The following ADAMTSL1 variants were observed in gnomAD, a reference collection of about 807,000 sequenced individuals.
ADAMTSL1 encodes the protein ADAMTS-like protein 1.
In ADAMTSL1, 126 loss-of-function variants were observed where a neutral mutation model predicts 201.8. The ratio of observed to expected loss-of-function variants is 0.62; its 90% CI spans 0.54 to 0.72. The LOEUF (loss-of-function observed/expected upper bound fraction) is 0.72, where lower values mean the gene tolerates loss of function less well. Among genes scored for constraint, ADAMTSL1 ranks in the 30% least tolerant of loss-of-function variants. The probability of loss-of-function intolerance (pLI) is 0.00; values close to 1 mark genes in which losing one functional copy is unlikely to be tolerated. For synonymous variants in ADAMTSL1, 1,121 were observed against 903.4 expected (o/e 1.24, Z -4.32); for missense variants, 2,679 against 2,277.8 (o/e 1.18, Z -3.59).
At chr9:18,535,031 C>G (rs542804772) in intron 3 of ADAMTSL1, among the ~76,000 whole-genome samples, 1 of 152,198 alleles carries the variant, frequency 6.6e-6, no homozygotes, top group African/African-American at 2.4e-5. Flanking sequence ...ACATTCATCT[C>G]CTCATTACTT....
At chr9:18,692,506 C>T (rs540730345) in intron 13 of ADAMTSL1, among the ~76,000 whole-genome samples, 1 of 152,254 alleles carries the variant, frequency 6.6e-6, no homozygotes, top group African/African-American at 2.4e-5. Flanking sequence ...GTGACAAAGA[C>T]AAATTAATGG....
At chr9:17,912,730 T>C (rs10810868) in intron 1 of ADAMTSL1, among the ~76,000 whole-genome samples, 53,695 of 63,246 alleles carry the variant, frequency 0.85, 25,237 homozygotes, top group East Asian at 0.99. Flanking sequence ...GTTGCCATTG[T>C]TTTTGGTGTT....
intron 16 of ADAMTSL1, among the ~76,000 whole-genome samples, chr9:18,763,711 A>G (rs966495713): frequency 6.6e-6 from 1 of 152,170 alleles, no homozygotes; most frequent in Non-Finnish European, 1.5e-5. Context: ...AGAGATATCC[A>G]GTTTTCCAAG....
chr9:18,263,991 C>T (rs180839242), intron 2 of ADAMTSL1, among the ~76,000 whole-genome samples: 114 of 152,244 alleles, frequency 7.5e-4, no homozygotes, highest in Non-Finnish European at 4.1e-4. Flanking sequence ...TAAGACAGTT[C>T]CTGGACATTT....
chr9:18,057,233 G>A (rs930647560), intron 1 of ADAMTSL1, among the ~76,000 whole-genome samples: 2 of 152,108 alleles, frequency 1.3e-5, no homozygotes, highest in African/African-American at 2.4e-5. Flanking sequence ...CGGTTTTCCT[G>A]TGTGTGGAAC....
intron 1 of ADAMTSL1, among the ~76,000 whole-genome samples, chr9:18,092,471 A>G (rs113520780): frequency 6.6e-6 from 1 of 152,306 alleles, no homozygotes; most frequent in African/African-American, 2.4e-5. Flanking sequence ...GTCAAACATG[A>G]ATTATTTTGG....
chr9:18,897,456 G>A (rs1158423182), intron 26 of ADAMTSL1, among the ~76,000 whole-genome samples: 1 of 152,076 alleles, frequency 6.6e-6, no homozygotes, highest in Non-Finnish European at 1.5e-5. Flanking sequence ...CCTCCTACAG[G>A]AGCATCTGGG....
At chr9:18,042,647 C>T (rs553950493) in intron 1 of ADAMTSL1, among the ~76,000 whole-genome samples, 1 of 152,242 alleles carries the variant, frequency 6.6e-6, no homozygotes, top group South Asian at 2.1e-4. Context: ...CCAAATGATT[C>T]ACTGTTACAG....
At chr9:18,842,334 G>C (rs1351179027) in intron 23 of ADAMTSL1, among the ~76,000 whole-genome samples, 2 of 152,132 alleles carry the variant, frequency 1.3e-5, no homozygotes. Context: ...CAGTTTCCAT[G>C]TAGTTGAGCA....
rs868524919 is a variant in ADAMTSL1, at chr9:17,940,812, C to T, written c.87+33890C>T. On this transcript the variant is annotated intron_variant, in intron 1 of 29. Coordinates refer to the ADAMTSL1 transcript ENST00000680146. ...ATAAAAGTAAATAACACCCCCCCCCCAAAAAAAAGAAAGAAATAACGACTC... is the reference window on the plus strand; with the variant it reads ...ATAAAAGTAAATAACACCCCCCCCCTAAAAAAAAGAAAGAAATAACGACTC... Among the ~76,000 whole-genome samples, 8 of 20,290 alleles carry T rather than the reference C, an allele frequency of 3.9e-4. 2 individuals carry two copies. The highest frequency in any genetic ancestry group is 7.3e-4 in the African/African-American group (6 of 8,244). 13.3% of individuals were successfully genotyped at this position (20,290 alleles called of 152,430 possible). A position where few individuals can be genotyped will look rare whatever the true frequency, so the allele number is the denominator to read the frequency against.
intron 13 of ADAMTSL1, among the ~76,000 whole-genome samples, chr9:18,695,955 T>C (rs1831522182): frequency 6.6e-6 from 1 of 152,046 alleles, no homozygotes; most frequent in Non-Finnish European, 1.5e-5. Flanking sequence ...AAATTTACAA[T>C]CATGATGGAA....
intron 14 of ADAMTSL1, among the ~76,000 whole-genome samples, chr9:18,713,216 A>G (rs993504052): frequency 6.6e-6 from 1 of 152,026 alleles, no homozygotes; most frequent in Non-Finnish European, 1.5e-5. Flanking sequence ...ACCAGCTAAC[A>G]TCATAATGAC....
At chr9:18,584,051 G>A (rs1587638000) in intron 4 of ADAMTSL1, among the ~76,000 whole-genome samples, 4 of 152,286 alleles carry the variant, frequency 2.6e-5, no homozygotes, top group Non-Finnish European at 4.4e-5. Context: ...GGACTGTTGA[G>A]AAGGATGATT....
At chr9:18,120,827 T>C (rs1294820423) in intron 1 of ADAMTSL1, among the ~76,000 whole-genome samples, 1 of 152,180 alleles carries the variant, frequency 6.6e-6, no homozygotes, top group Non-Finnish European at 1.5e-5. Flanking sequence ...TAATATACCC[T>C]GAAAATTAAT....
chr9:18,528,984 A>C (rs1819270372), intron 2 of ADAMTSL1, among the ~76,000 whole-genome samples: 1 of 152,226 alleles, frequency 6.6e-6, no homozygotes, highest in African/African-American at 2.4e-5. Flanking sequence ...TGTTAAAAAA[A>C]AGAAGGAAAA....
At chr9:18,532,554 A>C (rs548283586) in intron 2 of ADAMTSL1, among the ~76,000 whole-genome samples, 1 of 152,210 alleles carries the variant, frequency 6.6e-6, no homozygotes, top group African/African-American at 2.4e-5. Flanking sequence ...AAAGTTATTT[A>C]ATACTGTGAG....
At chr9:18,084,066 A>C (rs536770296) in intron 1 of ADAMTSL1, among the ~76,000 whole-genome samples, 39 of 152,280 alleles carry the variant, frequency 2.6e-4, no homozygotes, top group African/African-American at 5.5e-4. Context: ...TCCCTCCTCC[A>C]TTTCCCATTG....
chr9:17,983,049 C>T (rs377139327), intron 1 of ADAMTSL1, among the ~76,000 whole-genome samples: 46 of 106,828 alleles, frequency 4.3e-4, no homozygotes, highest in Admixed American at 9.8e-4. Context: ...TTTTCATTTT[C>T]TTTTTCTTTT....
intron 13 of ADAMTSL1, among the ~76,000 whole-genome samples, chr9:18,701,333 C>A (rs1027648729): frequency 5.9e-5 from 9 of 151,710 alleles, no homozygotes; most frequent in African/African-American, 1.9e-4. Context: ...AATTCTCCTG[C>A]CTCAGCCTCC....
Sources: gnomAD v4.1 joint callset for allele counts (sites outside exome capture counted in the v4.1 genomes callset) on GRCh38, gnomAD v4.1.1 for gene constraint, MANE v1.5 for transcripts, NCBI Gene and HGNC (gene_info 2026-07-23, HGNC 2026-07-21) for gene names.